Variants in ZNF704 observed in about 807,000 individuals in gnomAD.
ZNF704 encodes glucocorticoid induced gene 1.
Under a neutral mutation model 44.7 loss-of-function variants are expected in ZNF704, and 10 were observed. The ratio of observed to expected loss-of-function variants is 0.22; its 90% CI spans 0.14 to 0.38. The LOEUF (loss-of-function observed/expected upper bound fraction) is 0.38. ZNF704 is among the 10% of genes least tolerant of loss of function. The pLI is 1.00. For missense variants in ZNF704, 390 were observed against 545.5 expected (o/e 0.71, Z 2.84); for synonymous variants, 211 against 207.6 (o/e 1.02, Z -0.14).
chr8:80,694,016 C>G (rs1323805177), intron 2 of ZNF704, among the ~76,000 whole-genome samples: 1 of 152,052 alleles, frequency 6.6e-6, no homozygotes, highest in Non-Finnish European at 1.5e-5. Flanking sequence ...GGAGACCCAG[C>G]AGGACTGGCT....
At chr8:80,727,014 GGATT>G (rs1308774386) in intron 2 of ZNF704, among the ~76,000 whole-genome samples, 26 of 152,194 alleles carry the variant, frequency 1.7e-4, no homozygotes, top group South Asian at 8.3e-4. Context: ...TTTTGATCTA[GGATT>G]GATTATTATC....
intron 2 of ZNF704, among the ~76,000 whole-genome samples, chr8:80,764,046 A>G (rs1223371194): frequency 6.6e-6 from 1 of 152,190 alleles, no homozygotes; most frequent in Non-Finnish European, 1.5e-5. Context: ...ACAAATCTCT[A>G]GCAAGTGCCA....
Position 80,635,286 on chromosome 8 carries a change from CCT to C in ZNF704, c.*6078_*6079del, listed in dbSNP as rs540759306. ...GTTTTAATAAACTCTTCACAACTCCCCTCTGTTTCCTGGTTCTTGGGAACTCA... is the reference window on the plus strand; with the variant it reads ...GTTTTAATAAACTCTTCACAACTCCCCTGTTTCCTGGTTCTTGGGAACTCA... On this transcript the variant is annotated 3_prime_UTR_variant, in exon 9 of 9. Transcript: ENST00000327835. 2.6e-5 allele frequency: 4 copies of C among 152,232 alleles called. No individual in the cohort carries two copies. Among genetic ancestry groups the C allele is most frequent in the Admixed American group, 6.5e-5 (1 of 15,288 alleles). The allele number at this position is 152,232 out of a possible 1,614,324, so 9.4% of individuals were successfully genotyped here. A position where few individuals can be genotyped will look rare whatever the true frequency, so the allele number is the denominator to read the frequency against.
rs1257605464 is a variant in ZNF704 at position 80,641,317 on chromosome 8, CCAGGGCAGGAGCGGCT to C, written c.*33_*48del. 2 of 1,275,116 alleles carry C rather than the reference CCAGGGCAGGAGCGGCT, an allele frequency of 1.6e-6. No individual in the cohort carries two copies. Among genetic ancestry groups the C allele is most frequent in the Admixed American group, 4.9e-5 (2 of 40,716 alleles). 79.0% of individuals were successfully genotyped at this position (1,275,116 alleles called of 1,614,324 possible). A position where few individuals can be genotyped will look rare whatever the true frequency, so the allele number is the denominator to read the frequency against. Reference sequence around the variant, plus strand: ...TCTTTCCAACACCTGCAGTGGCAGGCCAGGGCAGGAGCGGCTCAGGGCCCTGAGCCCCTCTGCCTGG... The same window carrying C: ...TCTTTCCAACACCTGCAGTGGCAGGCCAGGGCCCTGAGCCCCTCTGCCTGG... On this transcript the variant is annotated 3_prime_UTR_variant, in exon 9 of 9. Transcript: ENST00000327835.
At chr8:80,701,299 G>A (rs779663050) in intron 2 of ZNF704, among the ~76,000 whole-genome samples, 2 of 151,852 alleles carry the variant, frequency 1.3e-5, no homozygotes, top group African/African-American at 2.4e-5. Context: ...ACAACTGCCC[G>A]CTTCTAGCCA....
chr8:80,881,679 G>A, the ZNF704 span, among the ~76,000 whole-genome samples: 1 of 152,162 alleles, frequency 6.6e-6, no homozygotes, highest in Non-Finnish European at 1.5e-5. Flanking sequence ...TGTAATCCCA[G>A]CACTTTGGGA....
chr8:80,689,912 C>G (rs1818604007), intron 3 of ZNF704, among the ~76,000 whole-genome samples: 1 of 152,116 alleles, frequency 6.6e-6, no homozygotes, highest in Non-Finnish European at 1.5e-5. Flanking sequence ...CTCTGTTTGT[C>G]AAGAATGGAG....
At chr8:80,763,159 A>G (rs1807160230) in intron 2 of ZNF704, among the ~76,000 whole-genome samples, 1 of 152,150 alleles carries the variant, frequency 6.6e-6, no homozygotes, top group Non-Finnish European at 1.5e-5. Context: ...TGGATCTACC[A>G]TTCTGGGGTC....
intron 2 of ZNF704, among the ~76,000 whole-genome samples, chr8:80,776,479 T>C (rs1409299733): frequency 6.6e-6 from 1 of 152,222 alleles, no homozygotes; most frequent in African/African-American, 2.4e-5. Flanking sequence ...GTGAACTATC[T>C]GTTATTGACC....
chr8:80,641,569 GAAAAAAA>G, intron 8 of ZNF704, 92 bp from the exon 9 acceptor site: 1 of 360,906 alleles, frequency 2.8e-6, no homozygotes, highest in African/African-American at 2.4e-5. Flanking sequence ...AGTGAGGGAG[GAAAAAAA>G]AAAAAAAAAG....
chr8:80,745,615 A>T (rs1289819431), intron 2 of ZNF704, among the ~76,000 whole-genome samples: 6 of 152,226 alleles, frequency 3.9e-5, no homozygotes. Context: ...TAAAATGTAC[A>T]ATCAACTTTG....
At position 80,766,767 on chromosome 8, in the gene ZNF704, C is replaced by T. The variant is rs188459676; in HGVS notation, c.221+54607G>A. Among the ~76,000 whole-genome samples the T allele has an allele frequency of 8.5e-4, 130 of 152,206 alleles. 2 individuals carry two copies. Among genetic ancestry groups the T allele is most frequent in the Admixed American group, 6.3e-3 (96 of 15,292 alleles). On this transcript the variant is annotated intron_variant, in intron 2 of 8. Transcript: ENST00000327835. ...TCGCTCTGTGACCCAGGCTGGAGTGCAGTGGCACAATCTCGGCTCATTGCA... is the reference window on the plus strand; with the variant it reads ...TCGCTCTGTGACCCAGGCTGGAGTGTAGTGGCACAATCTCGGCTCATTGCA...
chr8:80,827,029 C>G (rs1220669704), intron 1 of ZNF704, among the ~76,000 whole-genome samples: 5 of 152,120 alleles, frequency 3.3e-5, no homozygotes, highest in African/African-American at 1.2e-4. Flanking sequence ...CATGGATGCC[C>G]TCTCTCTCCA....
intron 2 of ZNF704, among the ~76,000 whole-genome samples, chr8:80,794,129 A>G (rs1305810366): frequency 1.3e-5 from 2 of 152,206 alleles, no homozygotes; most frequent in Admixed American, 1.3e-4. Flanking sequence ...ACAAAAAAAG[A>G]GAGAGCCTAG....
intron 2 of ZNF704, among the ~76,000 whole-genome samples, chr8:80,751,097 T>G (rs1351918053): frequency 6.6e-6 from 1 of 152,134 alleles, no homozygotes; most frequent in Non-Finnish European, 1.5e-5. Context: ...AACTTTTGCT[T>G]TTTTTTAACC....
chr8:80,773,399 C>T (rs567208921), intron 2 of ZNF704, among the ~76,000 whole-genome samples: 75 of 152,136 alleles, frequency 4.9e-4, no homozygotes, highest in Non-Finnish European at 9.6e-4. Context: ...TATCTTATGT[C>T]CTTTTAGTCT....
In ZNF704 at chr8:80,708,332, G is replaced by A. The variant is rs558135259; in HGVS notation, c.222-15225C>T. Among the ~76,000 whole-genome samples the A allele has an allele frequency of 5.9e-5, 9 of 152,288 alleles. No individual in the cohort carries two copies. The South Asian group carries it at 1.2e-3, about 21-fold the overall frequency. ...CCAGAAACACAATGCAGAGTTTACC[G>A]CTGGGCATAACAGCAGATCAGTAAC... On this transcript the variant is annotated intron_variant, in intron 2 of 8. Transcript: ENST00000327835.
At chr8:80,681,612 C>G (rs57705523) in intron 4 of ZNF704, among the ~76,000 whole-genome samples, 16,476 of 151,994 alleles carry the variant, frequency 0.11, 3,015 homozygotes, top group African/African-American at 0.37. Context: ...TCATTTTATT[C>G]TGTGAAAATT....
At chr8:80,682,466 T>G (rs564868724) in intron 4 of ZNF704, among the ~76,000 whole-genome samples, 1 of 152,398 alleles carries the variant, frequency 6.6e-6, no homozygotes, top group Admixed American at 6.5e-5. Flanking sequence ...GCCAATGTTC[T>G]GAAATGCAGA....
Sources: allele counts gnomAD v4.1 joint callset (sites outside exome capture counted in the v4.1 genomes callset), GRCh38; gene constraint gnomAD v4.1.1; transcripts MANE v1.5; gene names NCBI Gene and HGNC (gene_info 2026-07-23, HGNC 2026-07-21).